Variants in ZCWPW2 observed in about 807,000 individuals in gnomAD.
The protein encoded by ZCWPW2 is zinc finger CW-type PWWP domain protein 2.
Under a neutral mutation model 46.6 loss-of-function variants are expected in ZCWPW2, and 45 were observed. The observed-to-expected ratio is 0.96, with a 90% CI of 0.76 to 1.24. ZCWPW2 has a LOEUF of 1.24. ZCWPW2 is among the 50% of genes most tolerant of loss of function. The pLI, the probability that ZCWPW2 is intolerant of heterozygous loss-of-function variation, is 0.00. For missense variants in ZCWPW2, 429 were observed against 403.9 expected (o/e 1.06, Z -0.53); for synonymous variants, 152 against 137.1 (o/e 1.11, Z -0.76).
chr3:28,516,255 C>CAATAAATA (rs56931163), intron 8 of ZCWPW2, among the ~76,000 whole-genome samples: 2,252 of 140,150 alleles, frequency 0.016, 37 homozygotes, highest in African/African-American at 0.033. Flanking sequence ...GATTCCCTCT[C>CAATAAATA]AATAAATAAA....
intron 5 of ZCWPW2, among the ~76,000 whole-genome samples, chr3:28,480,342 T>C (rs1699384426): frequency 6.6e-6 from 1 of 152,224 alleles, no homozygotes; most frequent in Admixed American, 6.5e-5. Context: ...TTTTCATATG[T>C]AGGTTGGCTG....
intron 3 of ZCWPW2, among the ~76,000 whole-genome samples, chr3:28,426,216 A>C (rs1333057563): frequency 6.6e-6 from 1 of 152,088 alleles, no homozygotes; most frequent in Non-Finnish European, 1.5e-5. Context: ...CAGAAAGATA[A>C]AACTCTCCAC....
chr3:28,484,762 C>A (rs925046493), intron 5 of ZCWPW2, among the ~76,000 whole-genome samples: 1 of 149,520 alleles, frequency 6.7e-6, no homozygotes, highest in Non-Finnish European at 1.5e-5. Context: ...TCCTGCCTGC[C>A]TTCCTGTCTT....
At chr3:28,414,672 T>C (rs1182071992) in intron 3 of ZCWPW2, among the ~76,000 whole-genome samples, 2 of 119,814 alleles carry the variant, frequency 1.7e-5, no homozygotes, top group Non-Finnish European at 3.4e-5. Flanking sequence ...GTGTTCTCAT[T>C]GTTCAATTCC....
chr3:28,506,291 T>G (rs562429918), intron 6 of ZCWPW2, among the ~76,000 whole-genome samples: 9 of 152,052 alleles, frequency 5.9e-5, no homozygotes, highest in African/African-American at 1.9e-4. Context: ...AACTTTAATT[T>G]GCTTGAGAGT....
At chr3:28,427,330 T>G (rs1697056914) in intron 3 of ZCWPW2, among the ~76,000 whole-genome samples, 1 of 152,196 alleles carries the variant, frequency 6.6e-6, no homozygotes, top group Non-Finnish European at 1.5e-5. Context: ...TTCAAACACC[T>G]CAAGTCTGAA....
intron 6 of ZCWPW2, among the ~76,000 whole-genome samples, chr3:28,499,395 C>A (rs1229634458): frequency 6.6e-6 from 1 of 152,058 alleles, no homozygotes; most frequent in Non-Finnish European, 1.5e-5. Flanking sequence ...TCTCTAATGA[C>A]CAGTGATGAT....
intron 9 of ZCWPW2, among the ~76,000 whole-genome samples, chr3:28,523,028 A>G (rs909951722): frequency 1.3e-5 from 2 of 152,186 alleles, no homozygotes; most frequent in African/African-American, 4.8e-5. Context: ...TTGCCATTAT[A>G]AGTAGTAACT....
At chr3:28,352,006 A>G (rs1704569906) in intron 1 of ZCWPW2, among the ~76,000 whole-genome samples, 1 of 152,010 alleles carries the variant, frequency 6.6e-6, no homozygotes, top group Non-Finnish European at 1.5e-5. Flanking sequence ...CAAGAATACT[A>G]CCCAAAATAA....
intron 1 of ZCWPW2, among the ~76,000 whole-genome samples, chr3:28,378,324 C>A (rs1208035395): frequency 6.6e-6 from 1 of 151,754 alleles, no homozygotes; most frequent in East Asian, 1.9e-4. Flanking sequence ...TGAAAAAAAT[C>A]ATGAAAGACA....
At position 28,511,006 on chromosome 3, in the gene ZCWPW2, C is replaced by A. The variant is rs145331468; in HGVS notation, c.658-3058C>A. On this transcript the variant is annotated intron_variant, in intron 6 of 9. Coordinates refer to ENST00000383768, the MANE Select transcript of ZCWPW2 (RefSeq NM_001040432.4). ...GGTAGCTACATTCTGGAACTTGTAG[C>A]CTTTTCAGCTATCAAGATGAGAGTC... 131 of 453,714 alleles carry A rather than the reference C, an allele frequency of 2.9e-4. 2 individuals are homozygous for A. The highest frequency in any genetic ancestry group is 2.3e-3 in the African/African-American group (113 of 50,070). The allele number at this position is 453,714 out of a possible 1,614,324, so 28.1% of individuals were successfully genotyped here.
At chr3:28,487,483 T>G (rs367776049) in intron 5 of ZCWPW2, among the ~76,000 whole-genome samples, 3 of 152,208 alleles carry the variant, frequency 2.0e-5, no homozygotes, top group African/African-American at 7.2e-5. Flanking sequence ...TTCATTTCTT[T>G]GCTTACGTTA....
chr3:28,515,715 C>CTCTG (rs1700544853), intron 8 of ZCWPW2, 94 bp downstream of exon 8: 10 of 666,434 alleles, frequency 1.5e-5, no homozygotes, highest in Non-Finnish European at 2.2e-5. Context: ...AAAAGATTTC[C>CTCTG]TGTGTGTGTG....
At chr3:28,409,326 A>C (rs142547441) in intron 2 of ZCWPW2, among the ~76,000 whole-genome samples, 1,558 of 151,524 alleles carry the variant, frequency 0.01, 19 homozygotes, top group Middle Eastern at 0.024. Context: ...CGCTATGTTG[A>C]CCAGGCTGGT....
At chr3:28,390,196 G>T (rs1032821097) in intron 1 of ZCWPW2, among the ~76,000 whole-genome samples, 3 of 152,170 alleles carry the variant, frequency 2.0e-5, no homozygotes, top group African/African-American at 4.8e-5. Context: ...CAGAGTAAAA[G>T]TGCGGATGTG....
chr3:28,456,886 A>T lies in ZCWPW2; in HGVS notation c.492+21617A>T, dbSNP rs185776939. Among the ~76,000 whole-genome samples the T allele has an allele frequency of 2.5e-3, 387 of 152,252 alleles. 1 individual carries two copies. Among genetic ancestry groups the T allele is most frequent in the African/African-American group, 8.5e-3 (351 of 41,538 alleles). ...GCTTTGGTTTGCCAGTATTTTGACG[A>T]GGATTTTTGCACTGATGTTCATCAA... On this transcript the variant is annotated intron_variant, in intron 4 of 9. Transcript: ENST00000383768.
At chr3:28,377,715 G>A (rs1371877639) in intron 1 of ZCWPW2, among the ~76,000 whole-genome samples, 1 of 152,006 alleles carries the variant, frequency 6.6e-6, no homozygotes, top group African/African-American at 2.4e-5. Flanking sequence ...TAATGCGACT[G>A]TATTTGAAGA....
chr3:28,431,259 A>G (rs1315295959), intron 3 of ZCWPW2, among the ~76,000 whole-genome samples: 1 of 152,196 alleles, frequency 6.6e-6, no homozygotes, highest in East Asian at 1.9e-4. Flanking sequence ...TGTACCAAAT[A>G]TCTTATATAT....
intron 2 of ZCWPW2, among the ~76,000 whole-genome samples, chr3:28,405,184 A>G (rs527617410): frequency 1.4e-4 from 22 of 152,268 alleles, no homozygotes; most frequent in Non-Finnish European, 2.8e-4. Context: ...TCAGTCTTTG[A>G]TGTTGATCTT....
Sources: gnomAD v4.1 joint callset for allele counts (sites outside exome capture counted in the v4.1 genomes callset) on GRCh38, gnomAD v4.1.1 for gene constraint, MANE v1.5 for transcripts, NCBI Gene and HGNC (gene_info 2026-07-23, HGNC 2026-07-21) for gene names.